The following SPTBN1 variants were observed in gnomAD, a reference collection of about 807,000 sequenced individuals.
The protein encoded by SPTBN1 is spectrin beta chain, non-erythrocytic 1.
In SPTBN1, 32 loss-of-function variants were observed where a neutral mutation model predicts 266.4. The observed-to-expected ratio is 0.12, with a 90% CI of 0.09 to 0.16. The LOEUF (loss-of-function observed/expected upper bound fraction) is 0.16, where lower values mean the gene tolerates loss of function less well. Among genes scored for constraint, SPTBN1 ranks in the 10% least tolerant of loss-of-function variants. The probability of loss-of-function intolerance (pLI) is 1.00; values close to 1 mark genes in which losing one functional copy is unlikely to be tolerated. For synonymous variants in SPTBN1, 1,336 were observed against 1,162.2 expected (o/e 1.15, Z -3.04); for missense variants, 2,296 against 3,067.1 (o/e 0.75, Z 5.94).
intron 1 of SPTBN1, among the ~76,000 whole-genome samples, chr2:54,471,598 C>G (rs1693921952): frequency 1.3e-5 from 2 of 152,008 alleles, no homozygotes; most frequent in African/African-American, 4.8e-5. Flanking sequence ...GACGTGATTC[C>G]AGCAAGGCTG....
chr2:54,665,371 G>T (rs894006172), intron 33 of SPTBN1, among the ~76,000 whole-genome samples: 1 of 152,204 alleles, frequency 6.6e-6, no homozygotes, highest in Non-Finnish European at 1.5e-5. Flanking sequence ...CCGGTGTTCT[G>T]TTAAAATTAG....
At position 54,646,217 on chromosome 2, in the gene SPTBN1, G is replaced by A. The variant is rs754300591; in HGVS notation, c.4608G>A (p.Gly1536=). 7.4e-6 allele frequency: 12 copies of A among 1,611,178 alleles called. No homozygotes were observed. In the South Asian group the frequency reaches 1.2e-4, roughly 16 times the overall value. The change falls in exon 23 of 36, where the codon GGG becomes GGA. Residue 1536 remains glycine, a synonymous_variant. Transcript: ENST00000356805. The surrounding 1 kb of genome is among the most constrained non-coding windows in gnomAD (Gnocchi z 4.4). ...KNQTLQKEIQ[G]HQPRIDDIFE... is the part of the protein sequence containing the mutation. ...AGACCCTCCAGAAAGAAATCCAGGG[G>A]CACCAGCCTCGCATTGACGACATCT...
intron 29 of SPTBN1, among the ~76,000 whole-genome samples, chr2:54,656,256 T>A (rs1680648028): frequency 6.6e-6 from 1 of 152,168 alleles, no homozygotes; most frequent in Non-Finnish European, 1.5e-5. Flanking sequence ...AGAGGGCACC[T>A]CCCTGGGAGA....
rs1680129388 is a variant in SPTBN1 at position 54,649,502 on chromosome 2, A to G, written c.5203-113A>G. ...GATCTATTGTTCTGAAGTCATGAGT[A>G]TTATTGGCTACATCTTGCTTAGAGG... On this transcript the variant is annotated intron_variant, in intron 25 of 35. Coordinates refer to ENST00000356805, the MANE Select transcript of SPTBN1 (RefSeq NM_003128.3). The surrounding 1 kb of genome is among the most constrained non-coding windows in gnomAD (Gnocchi z 6.7). The G allele has an allele frequency of 2.1e-6, 3 of 1,442,880 alleles. No homozygotes were observed. The highest frequency in any genetic ancestry group is 4.8e-5 in the East Asian group (2 of 41,446). 89.4% of individuals were successfully genotyped at this position (1,442,880 alleles called of 1,614,324 possible).
At chr2:54,507,707 A>G (rs538112066) in intron 1 of SPTBN1, among the ~76,000 whole-genome samples, 4 of 152,020 alleles carry the variant, frequency 2.6e-5, no homozygotes, top group African/African-American at 9.6e-5. Context: ...GCAAGCTTTT[A>G]GGCTCTATCT....
intron 3 of SPTBN1, among the ~76,000 whole-genome samples, chr2:54,605,333 A>C (rs1676768986): frequency 6.6e-6 from 1 of 152,156 alleles, no homozygotes; most frequent in Non-Finnish European, 1.5e-5. Context: ...CTGTACTGTA[A>C]AGAGGACGAG....
chr2:54,602,983 T>C (rs1558417713), intron 3 of SPTBN1, among the ~76,000 whole-genome samples: 2 of 152,222 alleles, frequency 1.3e-5, no homozygotes, highest in Non-Finnish European at 2.9e-5. Flanking sequence ...AATTTACTTT[T>C]GTTTTAAACA....
At chr2:54,457,635 G>T (rs1693128331) in intron 1 of SPTBN1, among the ~76,000 whole-genome samples, 1 of 152,166 alleles carries the variant, frequency 6.6e-6, no homozygotes, top group Non-Finnish European at 1.5e-5. Flanking sequence ...CAGCAGTATC[G>T]CAGCTTCCTT....
intron 1 of SPTBN1, among the ~76,000 whole-genome samples, chr2:54,492,605 A>G (rs1289560805): frequency 1.3e-5 from 2 of 152,140 alleles, no homozygotes; most frequent in Admixed American, 6.5e-5. Context: ...GTAACATTTT[A>G]TATGGGGTTT....
At chr2:54,660,664 A>G (rs922608593) in intron 32 of SPTBN1, 7 of 985,484 alleles carry the variant, frequency 7.1e-6, no homozygotes, top group Non-Finnish European at 8.4e-6. Context: ...ACAATCTCAT[A>G]CATTTTGAGA....
At chr2:54,536,750 G>C (rs765689298) in intron 2 of SPTBN1, among the ~76,000 whole-genome samples, 8 of 152,134 alleles carry the variant, frequency 5.3e-5, no homozygotes, top group Non-Finnish European at 1.2e-4. Flanking sequence ...AAGAAGGAGA[G>C]GCCGGGAGCT....
At position 54,669,664 on chromosome 2, in the gene SPTBN1, CT is replaced by C. The variant is rs1681615390; in HGVS notation, c.*1099del. The C allele has an allele frequency of 6.6e-6, 1 of 152,616 alleles. No individual in the cohort carries two copies. Among genetic ancestry groups the C allele is most frequent in the Admixed American group, 6.5e-5 (1 of 15,268 alleles). 9.5% of individuals were successfully genotyped at this position (152,616 alleles called of 1,614,324 possible). A position where few individuals can be genotyped will look rare whatever the true frequency, so the allele number is the denominator to read the frequency against. On this transcript the variant is annotated 3_prime_UTR_variant, in exon 36 of 36. Coordinates refer to ENST00000356805, the MANE Select transcript of SPTBN1 (RefSeq NM_003128.3). ...TAAATATATGCTATGTCATTAAATG[CT>C]TTTAAATCTAGCACGGTGACTAGTT... is the stretch of plus-strand genomic sequence containing the variant.
chr2:54,526,597 A>G, intron 2 of SPTBN1, 31 bp downstream of exon 2: 1 of 1,596,292 alleles, frequency 6.3e-7, no homozygotes, highest in Non-Finnish European at 8.5e-7. Context: ...ACAGAGGCCC[A>G]GGATGCCTAA....
chr2:54,626,879 C>G lies in SPTBN1; in HGVS notation c.1644+645C>G, dbSNP rs532748713. 9.8e-5 allele frequency among the ~76,000 whole-genome samples: 15 copies of G among 152,330 alleles called. No homozygotes were observed. Among genetic ancestry groups the G allele is most frequent in the African/African-American group, 3.4e-4 (14 of 41,574 alleles). ...CTCTTAGCATAGAGTTCCAACCTTT[C>G]CCCCTTCCCAGGAAGAGACCTGCTA... On this transcript the variant is annotated intron_variant, in intron 12 of 35. Coordinates refer to ENST00000356805, the MANE Select transcript of SPTBN1 (RefSeq NM_003128.3). The surrounding 1 kb of genome is among the most constrained non-coding windows in gnomAD (Gnocchi z 4.7).
At chr2:54,529,880 A>T in intron 2 of SPTBN1, 5 of 364,100 alleles carry the variant, frequency 1.4e-5, no homozygotes, top group Non-Finnish European at 1.0e-5. Context: ...AAAAAAAAAA[A>T]AAAAGGTCCA....
chr2:54,611,948 AGAG>A lies in SPTBN1; in HGVS notation c.301-210_301-208del, dbSNP rs1677244762. On this transcript the variant is annotated intron_variant, in intron 3 of 35. Coordinates refer to ENST00000356805, the MANE Select transcript of SPTBN1 (RefSeq NM_003128.3). ...ATATAGCTCCACAACTATTCTCTAAAGAGGAATCAGTTATCATCCCCTTAAGTA... is the reference window on the plus strand; with the variant it reads ...ATATAGCTCCACAACTATTCTCTAAAGAATCAGTTATCATCCCCTTAAGTA... Among the ~76,000 whole-genome samples the A allele has an allele frequency of 3.9e-5, 6 of 152,360 alleles. No homozygotes were observed. In the South Asian group the frequency reaches 1.2e-3, roughly 32 times the overall value.
chr2:54,661,505 A>C (rs1681041376), intron 32 of SPTBN1: 1 of 985,648 alleles, frequency 1.0e-6, no homozygotes, highest in East Asian at 1.1e-4. Flanking sequence ...CTCTATGTAC[A>C]TATCTATCTA....
intron 2 of SPTBN1, among the ~76,000 whole-genome samples, chr2:54,581,030 G>A (rs1674860118): frequency 6.6e-6 from 1 of 151,876 alleles, no homozygotes; most frequent in Non-Finnish European, 1.5e-5. Flanking sequence ...TCCGGGTGGT[G>A]GAGGTTGCAG....
intron 2 of SPTBN1, among the ~76,000 whole-genome samples, chr2:54,536,349 G>A (rs762730438): frequency 1.7e-4 from 26 of 152,192 alleles, no homozygotes; most frequent in African/African-American, 5.3e-4. Context: ...ACAGTGCAAC[G>A]CAGCTCTCTA....
Sources: gnomAD v4.1 joint callset for allele counts (sites outside exome capture counted in the v4.1 genomes callset) on GRCh38, gnomAD v4.1.1 for gene constraint, Gnocchi (gnomAD v3.1) non-coding constraint, MANE v1.5 for transcripts, NCBI Gene and HGNC (gene_info 2026-07-23, HGNC 2026-07-21) for gene names.